The following PROCR variants were observed in gnomAD, a reference collection of about 807,000 sequenced individuals.
PROCR encodes the protein protein C receptor.
A neutral mutation model predicts 24.2 loss-of-function variants in PROCR; 22 were observed. The observed-to-expected ratio is 0.91, with a 90% CI of 0.65 to 1.30. The LOEUF is 1.30. Ranked by LOEUF, PROCR falls within the 50% of genes most tolerant of loss-of-function variation. The pLI, the probability that PROCR is intolerant of heterozygous loss-of-function variation, is 0.00. For missense variants in PROCR, 288 were observed against 307.7 expected (o/e 0.94, Z 0.48); for synonymous variants, 137 against 139.2 (o/e 0.98, Z 0.11).
downstream of PROCR, among the ~76,000 whole-genome samples, chr20:35,178,521 T>TG (rs1555789974): frequency 2.7e-4 from 14 of 51,956 alleles, 1 homozygote; most frequent in Non-Finnish European, 2.1e-4. Flanking sequence ...TTTTTTTTTT[T>TG]TTTTTTTTTT....
At chr20:35,190,793 C>T (rs2086166982) in intron 1 of PROCR, among the ~76,000 whole-genome samples, 1 of 152,194 alleles carries the variant, frequency 6.6e-6, no homozygotes, top group South Asian at 2.1e-4. Context: ...TCAAGTCCAA[C>T]TTCTGACCTC....
intron 1 of PROCR, among the ~76,000 whole-genome samples, chr20:35,196,470 T>C (rs1453072711): frequency 6.6e-6 from 1 of 151,872 alleles, no homozygotes; most frequent in Non-Finnish European, 1.5e-5. Context: ...ATTTTAAGAG[T>C]AGCCACCAAA....
intron 1 of PROCR, among the ~76,000 whole-genome samples, chr20:35,188,813 G>A (rs1357763589): frequency 2.0e-5 from 3 of 152,202 alleles, no homozygotes; most frequent in African/African-American, 4.8e-5. Flanking sequence ...CCCTTGGGTT[G>A]TGGGAAGTCA....
chr20:35,194,555 A>G (rs929894423), intron 1 of PROCR, among the ~76,000 whole-genome samples: 1 of 152,172 alleles, frequency 6.6e-6, no homozygotes, highest in Non-Finnish European at 1.5e-5. Flanking sequence ...CAGTTCCTCT[A>G]GGGAGGAAAG....
chr20:35,198,144 T>C (rs1479330952), intron 1 of PROCR, among the ~76,000 whole-genome samples: 1 of 150,982 alleles, frequency 6.6e-6, no homozygotes, highest in Non-Finnish European at 1.5e-5. Context: ...TACAAAAAAT[T>C]AGCTGGGCAT....
In PROCR at chr20:35,204,917, T is replaced by A. The variant is rs573339743; in HGVS notation, c.95-10976T>A. Among the ~76,000 whole-genome samples the A allele has an allele frequency of 1.1e-3, 165 of 152,066 alleles. 1 individual carries two copies. The highest frequency in any genetic ancestry group is 2.1e-3 in the Non-Finnish European group (144 of 68,008). Reference sequence around the variant, plus strand: ...AAGGAATCCAGAAATATATATATATTTTTAAAAAATAATACTTCACTACTA... The same window carrying A: ...AAGGAATCCAGAAATATATATATATATTTAAAAAATAATACTTCACTACTA... On this transcript the variant is annotated intron_variant, in intron 1 of 1. Transcript: ENST00000634509.
intron 1 of PROCR, among the ~76,000 whole-genome samples, chr20:35,174,196 C>T (rs920999339): frequency 1.3e-5 from 2 of 152,060 alleles, no homozygotes; most frequent in African/African-American, 4.8e-5. Flanking sequence ...GGTTATGGCA[C>T]TGGAAGATTT....
chr20:35,189,396 G>A (rs1021263243), intron 1 of PROCR, among the ~76,000 whole-genome samples: 2 of 152,138 alleles, frequency 1.3e-5, no homozygotes, highest in African/African-American at 2.4e-5. Context: ...CCAGCCTGGC[G>A]AATTCTAGTC....
intron 1 of PROCR, among the ~76,000 whole-genome samples, chr20:35,186,456 C>T (rs1310614501): frequency 6.6e-6 from 1 of 151,350 alleles, no homozygotes; most frequent in Non-Finnish European, 1.5e-5. Context: ...ATCCCAGCTA[C>T]TCGGGAGGCT....
chr20:35,208,236 CA>C lies in PROCR; in HGVS notation c.95-7656del, dbSNP rs2060349192. On this transcript the variant is annotated intron_variant, in intron 1 of 1. Coordinates refer to the PROCR transcript ENST00000634509. ...GCTGACTTCACAGGCTGGCTCTGGG[CA>C]TAGGCCAGTCTCTTCCTGGAGCTTT... is the stretch of plus-strand genomic sequence containing the variant. Among the ~76,000 whole-genome samples the C allele has an allele frequency of 3.9e-5, 6 of 152,336 alleles. No individual in the cohort carries two copies. The South Asian group carries it at 1.2e-3, about 32-fold the overall frequency.
intron 1 of PROCR, among the ~76,000 whole-genome samples, chr20:35,191,946 A>G (rs926504701): frequency 4.6e-5 from 7 of 152,224 alleles, no homozygotes; most frequent in African/African-American, 1.7e-4. Flanking sequence ...AGGGACCTCC[A>G]AGGATACTCA....
At chr20:35,183,922 T>C (rs1159952272) in intron 1 of PROCR, among the ~76,000 whole-genome samples, 1 of 152,090 alleles carries the variant, frequency 6.6e-6, no homozygotes, top group African/African-American at 2.4e-5. Flanking sequence ...CTTCATACCA[T>C]CAAGAATGGC....
Position 35,186,630 on chromosome 20 carries a change from G to T in PROCR, c.94+10184G>T, listed in dbSNP as rs557956227. ...AGTCACAAAGAACCAGGTATTATATGATTCAACACACGTGAAACATCCAGA... is the reference window on the plus strand; with the variant it reads ...AGTCACAAAGAACCAGGTATTATATTATTCAACACACGTGAAACATCCAGA... On this transcript the variant is annotated intron_variant, in intron 1 of 1. Transcript: ENST00000634509. Among the ~76,000 whole-genome samples the T allele has an allele frequency of 3.3e-5, 5 of 150,360 alleles. No individual in the cohort carries two copies. The East Asian group carries it at 9.8e-4, about 30-fold the overall frequency.
Position 35,174,474 on chromosome 20 carries a change from A to G in PROCR, c.71-228A>G, listed in dbSNP as rs2085985075. 53 of 596,722 alleles carry G rather than the reference A, an allele frequency of 8.9e-5. No individual in the cohort carries two copies. The South Asian group carries it at 1.0e-3, about 11-fold the overall frequency. 37.0% of individuals were successfully genotyped at this position (596,722 alleles called of 1,614,324 possible). Reference sequence around the variant, plus strand: ...GGAGGCAGAAAGGAGTGTCTCTTCCACTGCAGGCCTCAGTTTCCTCATCTG... The same window carrying G: ...GGAGGCAGAAAGGAGTGTCTCTTCCGCTGCAGGCCTCAGTTTCCTCATCTG... On this transcript the variant is annotated intron_variant, in intron 1 of 3. Transcript: ENST00000216968.
chr20:35,200,820 G>T (rs1365760607), intron 1 of PROCR, among the ~76,000 whole-genome samples: 1 of 152,076 alleles, frequency 6.6e-6, no homozygotes, highest in East Asian at 1.9e-4. Flanking sequence ...GCTAATTTTT[G>T]TATTTTTAGT....
At chr20:35,173,636 G>A (rs2085974795) in intron 1 of PROCR, among the ~76,000 whole-genome samples, 1 of 151,800 alleles carries the variant, frequency 6.6e-6, no homozygotes, top group Non-Finnish European at 1.5e-5. Flanking sequence ...CGCCATGTTG[G>A]CCAGGCTGGT....
intron 1 of PROCR, among the ~76,000 whole-genome samples, chr20:35,215,535 C>T (rs1286290155): frequency 6.6e-6 from 1 of 151,764 alleles, no homozygotes. Context: ...CCTCACTTGC[C>T]CCAGTACCTT....
intron 1 of PROCR, among the ~76,000 whole-genome samples, chr20:35,208,129 C>T (rs371222848): frequency 1.3e-5 from 2 of 152,038 alleles, no homozygotes; most frequent in East Asian, 1.9e-4. Context: ...GGCAGCACAG[C>T]GATGGGAAAC....
chr20:35,213,055 G>C (rs1273027081), intron 1 of PROCR, among the ~76,000 whole-genome samples: 1 of 152,210 alleles, frequency 6.6e-6, no homozygotes, highest in Non-Finnish European at 1.5e-5. Context: ...TTCAGGCCAG[G>C]CACAGTGGCT....
Sources: gnomAD v4.1 joint callset for allele counts (sites outside exome capture counted in the v4.1 genomes callset) on GRCh38, gnomAD v4.1.1 for gene constraint, MANE v1.5 for transcripts, NCBI Gene and HGNC (gene_info 2026-07-23, HGNC 2026-07-21) for gene names.